The following CDC42BPA variants were observed in gnomAD, a reference collection of about 807,000 sequenced individuals.
CDC42BPA encodes the protein CDC42 binding protein kinase alpha, also known as serine/threonine-protein kinase MRCK alpha.
A neutral mutation model predicts 223.5 loss-of-function variants in CDC42BPA; 80 were observed. The observed-to-expected ratio is 0.36, with a 90% CI of 0.30 to 0.43. The LOEUF (loss-of-function observed/expected upper bound fraction) is 0.43. Among genes scored for constraint, CDC42BPA ranks in the 20% least tolerant of loss-of-function variants. The pLI is 1.00. For missense variants in CDC42BPA, 1,743 were observed against 2,099.9 expected (o/e 0.83, Z 3.32); for synonymous variants, 694 against 718.6 (o/e 0.97, Z 0.55).
intron 2 of CDC42BPA, among the ~76,000 whole-genome samples, chr1:227,238,591 G>C (rs1452557964): frequency 3.9e-5 from 6 of 151,902 alleles, no homozygotes; most frequent in Non-Finnish European, 7.4e-5. Context: ...TACAGAAAAA[G>C]TTTGTTGACC....
chr1:227,188,879 G>T (rs1420919555), intron 5 of CDC42BPA, among the ~76,000 whole-genome samples: 1 of 152,060 alleles, frequency 6.6e-6, no homozygotes, highest in African/African-American at 2.4e-5. Context: ...AAGGGTCATT[G>T]ATGTTAACAA....
intron 32 of CDC42BPA, among the ~76,000 whole-genome samples, chr1:227,021,318 A>C (rs1667335652): frequency 6.6e-6 from 1 of 152,282 alleles, no homozygotes; most frequent in African/African-American, 2.4e-5. Flanking sequence ...GTGGCACACA[A>C]TAAAATGGGG....
chr1:227,310,682 T>TG (rs1446383625), intron 1 of CDC42BPA, among the ~76,000 whole-genome samples: 1 of 137,580 alleles, frequency 7.3e-6, no homozygotes, highest in Non-Finnish European at 1.6e-5. Flanking sequence ...GAGTTTTTTT[T>TG]TTTGTTTTTT....
At position 227,063,662 on chromosome 1, in the gene CDC42BPA, A is replaced by G. The variant is rs556809202; in HGVS notation, c.2904+6115T>C. On this transcript the variant is annotated intron_variant, in intron 21 of 36. Transcript: ENST00000366766. The stretch of plus-strand genomic sequence containing the variant: ...TGGTGAATATGTGGATAGAAATTGT[A>G]AAAACAAGAATTGAATGAGCAAATT... Among the ~76,000 whole-genome samples, 26 of 152,308 alleles carry G rather than the reference A, an allele frequency of 1.7e-4. No homozygotes were observed. The South Asian group carries it at 4.8e-3, about 28-fold the overall frequency.
intron 1 of CDC42BPA, among the ~76,000 whole-genome samples, chr1:227,311,840 C>T (rs936296124): frequency 4.6e-5 from 7 of 152,106 alleles, no homozygotes; most frequent in East Asian, 1.9e-4. Flanking sequence ...TTTTCTCCCT[C>T]CCCCATGTCT....
At chr1:227,258,243 G>C (rs1189266186) in intron 1 of CDC42BPA, among the ~76,000 whole-genome samples, 1 of 147,788 alleles carries the variant, frequency 6.8e-6, no homozygotes, top group Non-Finnish European at 1.5e-5. Flanking sequence ...TGTAACACCA[G>C]TCTTCTATAC....
At chr1:227,313,986 TTTA>T (rs200966345) in intron 1 of CDC42BPA, among the ~76,000 whole-genome samples, 3,917 of 91,412 alleles carry the variant, frequency 0.043, 82 homozygotes, top group Non-Finnish European at 0.061. Context: ...GCCTTGCATA[TTTA>T]TTTTGTATTA....
chr1:227,256,989 A>ACACACACACACACACACACACACACC (rs781287283), intron 1 of CDC42BPA, among the ~76,000 whole-genome samples: 12 of 146,604 alleles, frequency 8.2e-5, no homozygotes, highest in African/African-American at 2.3e-4. Flanking sequence ...ACACACACAC[A>ACACACACACACACACACACACACACC]CCAGTATGTT....
In CDC42BPA at chr1:227,016,990, T is replaced by C. The variant is rs747096742; in HGVS notation, c.4676A>G (p.Asn1559Ser). Residue 1559 changes from asparagine to serine, a missense_variant, in exon 33 of 37, where the codon AAC (asparagine) becomes AGC (serine). Asn to Ser is a conservative substitution (Grantham distance 46, BLOSUM62 1). Coordinates refer to ENST00000366766, the MANE Select transcript of CDC42BPA (RefSeq NM_001394014.1). ...SDNSRKQMVR[N>S]INNKRRYSFR... ...GGAATAACGCCGCTTATTGTTAATG[T>C]TTCTAACCATTTGTTTCCGACTATT... The C allele has an allele frequency of 5.6e-6, 9 of 1,613,598 alleles. No individual in the cohort carries two copies. Among genetic ancestry groups the C allele is most frequent in the Non-Finnish European group, 5.9e-6 (7 of 1,179,736 alleles).
chr1:227,245,201 G>A (rs1680703985), intron 2 of CDC42BPA, among the ~76,000 whole-genome samples: 1 of 151,508 alleles, frequency 6.6e-6, no homozygotes, highest in South Asian at 2.1e-4. Flanking sequence ...AACCCAGGCA[G>A]TGCAGCTCAC....
chr1:227,143,571 A>G (rs1660098280), intron 8 of CDC42BPA, among the ~76,000 whole-genome samples: 1 of 152,186 alleles, frequency 6.6e-6, no homozygotes, highest in Non-Finnish European at 1.5e-5. Flanking sequence ...ATAGTGCTGA[A>G]GCGCTGTCTA....
At chr1:227,077,200 G>A (rs1001679983) in intron 17 of CDC42BPA, among the ~76,000 whole-genome samples, 3 of 152,160 alleles carry the variant, frequency 2.0e-5, no homozygotes, top group Admixed American at 6.5e-5. Context: ...TAGCTCTGGT[G>A]CTTACCAGCT....
chr1:227,297,002 AAAG>A (rs1446139757), intron 1 of CDC42BPA, among the ~76,000 whole-genome samples: 1 of 152,198 alleles, frequency 6.6e-6, no homozygotes, highest in Non-Finnish European at 1.5e-5. Context: ...TTAAATAGAC[AAAG>A]AATAGGCGAG....
chr1:227,276,080 G>A (rs141328040), intron 1 of CDC42BPA, among the ~76,000 whole-genome samples: 2 of 151,690 alleles, frequency 1.3e-5, no homozygotes, highest in African/African-American at 4.8e-5. Flanking sequence ...GGGATGTGAG[G>A]AGCCCCTCTG....
chr1:227,298,185 G>A (rs571641570), intron 1 of CDC42BPA, among the ~76,000 whole-genome samples: 8 of 151,502 alleles, frequency 5.3e-5, no homozygotes, highest in African/African-American at 1.9e-4. Context: ...CCTCCCCAGA[G>A]TCGTGCCACA....
At chr1:227,179,131 T>C (rs1667467070) in intron 5 of CDC42BPA, among the ~76,000 whole-genome samples, 1 of 152,282 alleles carries the variant, frequency 6.6e-6, no homozygotes, top group Non-Finnish European at 1.5e-5. Context: ...TAGGCAAATC[T>C]ACAGAGATAG....
At chr1:227,307,914 A>T (rs1434458719) in intron 1 of CDC42BPA, among the ~76,000 whole-genome samples, 4 of 152,374 alleles carry the variant, frequency 2.6e-5, no homozygotes, top group African/African-American at 9.6e-5. Context: ...GTAATTAGTC[A>T]TCTCATATTT....
chr1:227,080,587 C>T (rs1221698783), intron 17 of CDC42BPA, among the ~76,000 whole-genome samples: 10 of 152,046 alleles, frequency 6.6e-5, no homozygotes, highest in Non-Finnish European at 5.9e-5. Context: ...CCATAGGTAG[C>T]AGATGAATTC....
chr1:227,106,580 T>C (rs1685974305), intron 14 of CDC42BPA, among the ~76,000 whole-genome samples: 2 of 152,178 alleles, frequency 1.3e-5, no homozygotes, highest in Non-Finnish European at 2.9e-5. Context: ...AGTTAGGAAG[T>C]GTTTCCTCCT....
Sources: allele counts gnomAD v4.1 joint callset (sites outside exome capture counted in the v4.1 genomes callset), GRCh38; gene constraint gnomAD v4.1.1; transcripts MANE v1.5; gene names NCBI Gene and HGNC (gene_info 2026-07-23, HGNC 2026-07-21).